The following HHAT variants were observed in gnomAD, a reference collection of about 807,000 sequenced individuals.
HHAT encodes the protein hedgehog acyltransferase.
In HHAT, 47 loss-of-function variants were observed where a neutral mutation model predicts 70.8. That is an observed-to-expected ratio of 0.66 (90% confidence interval 0.53 to 0.85). The LOEUF (loss-of-function observed/expected upper bound fraction) is 0.85, where lower values mean the gene tolerates loss of function less well. Ranked by LOEUF, HHAT falls within the 40% of genes least tolerant of loss-of-function variation. The pLI is 0.00. For missense variants in HHAT, 609 were observed against 604.8 expected (o/e 1.01, Z -0.07); for synonymous variants, 228 against 247.6 (o/e 0.92, Z 0.74).
At chr1:210,616,861 GC>G (rs1266562008) in intron 10 of HHAT, among the ~76,000 whole-genome samples, 2 of 152,200 alleles carry the variant, frequency 1.3e-5, no homozygotes, top group Non-Finnish European at 2.9e-5. Context: ...TATAAGTAAA[GC>G]TGCTCACACA....
At chr1:210,386,245 T>TTTTC (rs1572068244) in intron 3 of HHAT, among the ~76,000 whole-genome samples, 2 of 111,842 alleles carry the variant, frequency 1.8e-5, no homozygotes, top group South Asian at 3.3e-4. Flanking sequence ...TTTTTTTTTT[T>TTTTC]TTTTTTTTTT....
At chr1:210,468,156 G>A (rs1572655751) in intron 8 of HHAT, among the ~76,000 whole-genome samples, 1 of 152,054 alleles carries the variant, frequency 6.6e-6, no homozygotes, top group East Asian at 1.9e-4. Flanking sequence ...TTTTTCTGGG[G>A]TCTTATGGAC....
chr1:210,336,391 G>A (rs2085504459), intron 1 of HHAT, among the ~76,000 whole-genome samples: 1 of 147,902 alleles, frequency 6.8e-6, no homozygotes, highest in African/African-American at 2.5e-5. Context: ...TCCTCTCAAA[G>A]TGCTAGAATT....
chr1:210,396,328 TCACTCATG>T (rs1309847956), intron 4 of HHAT, among the ~76,000 whole-genome samples: 4 of 152,182 alleles, frequency 2.6e-5, no homozygotes, highest in African/African-American at 9.6e-5. Context: ...AAGCTTCAGG[TCACTCATG>T]CTTTGATACC....
chr1:210,343,873 G>T (rs558287942), intron 1 of HHAT, among the ~76,000 whole-genome samples: 1 of 152,302 alleles, frequency 6.6e-6, no homozygotes, highest in East Asian at 1.9e-4. Context: ...GCTTAGGTAG[G>T]CTCCTGATGA....
chr1:210,502,600 G>C (rs1253639320), intron 8 of HHAT, among the ~76,000 whole-genome samples: 6 of 152,078 alleles, frequency 3.9e-5, no homozygotes. Context: ...TATTTATCAG[G>C]CTTGTACTAA....
intron 2 of HHAT, among the ~76,000 whole-genome samples, chr1:210,358,808 C>A (rs1005665544): frequency 6.6e-6 from 1 of 152,174 alleles, no homozygotes; most frequent in Non-Finnish European, 1.5e-5. Flanking sequence ...TGCCCTCTTA[C>A]TACACACACC....
At chr1:210,356,921 A>AG (rs903582352) in intron 2 of HHAT, among the ~76,000 whole-genome samples, 58 of 152,344 alleles carry the variant, frequency 3.8e-4, no homozygotes, top group African/African-American at 1.3e-3. Flanking sequence ...TGGGGCCACC[A>AG]GGGGCCCTTC....
At chr1:210,544,166 G>C (rs1477787173) in intron 9 of HHAT, among the ~76,000 whole-genome samples, 2 of 152,158 alleles carry the variant, frequency 1.3e-5, no homozygotes, top group African/African-American at 4.8e-5. Flanking sequence ...ACCCACTGCT[G>C]GTCCTGAGGT....
chr1:210,653,354 G>A (rs1040134439), intron 11 of HHAT, among the ~76,000 whole-genome samples: 5 of 151,892 alleles, frequency 3.3e-5, no homozygotes, highest in African/African-American at 1.2e-4. Context: ...ACCAGCCTTG[G>A]CAAAAAATCA....
At chr1:210,662,279 A>G (rs1330081346) in intron 11 of HHAT, among the ~76,000 whole-genome samples, 1 of 152,190 alleles carries the variant, frequency 6.6e-6, no homozygotes, top group Non-Finnish European at 1.5e-5. Context: ...TGCCTATGGC[A>G]AGAATCCAGG....
At chr1:210,574,124 A>C (rs964377897) in intron 9 of HHAT, among the ~76,000 whole-genome samples, 40 of 152,244 alleles carry the variant, frequency 2.6e-4, no homozygotes, top group African/African-American at 9.4e-4. Context: ...AAAGAGCAGC[A>C]TATCAGCAAG....
chr1:210,525,990 C>T (rs2095239541), intron 9 of HHAT, among the ~76,000 whole-genome samples: 1 of 152,200 alleles, frequency 6.6e-6, no homozygotes, highest in Admixed American at 6.5e-5. Context: ...GCGGTTGCTG[C>T]ATCTGGTAGA....
At chr1:210,381,055 T>C (rs1233939750) in intron 3 of HHAT, among the ~76,000 whole-genome samples, 1 of 151,998 alleles carries the variant, frequency 6.6e-6, no homozygotes, top group East Asian at 1.9e-4. Flanking sequence ...ATGGAAGGAA[T>C]AAGGCTAAAT....
At chr1:210,646,988 A>G (rs1164768905) in intron 11 of HHAT, among the ~76,000 whole-genome samples, 1 of 152,204 alleles carries the variant, frequency 6.6e-6, no homozygotes, top group Non-Finnish European at 1.5e-5. Context: ...GTAATGGATG[A>G]TTTCTTCCCA....
intron 5 of HHAT, among the ~76,000 whole-genome samples, chr1:210,403,778 T>TA (rs2092195817): frequency 1.3e-5 from 2 of 152,218 alleles, no homozygotes; most frequent in African/African-American, 2.4e-5. Context: ...TTCATAATTT[T>TA]ACTCCCCGAT....
Position 210,494,850 on chromosome 1 carries a change from C to T in HHAT, c.1008-18303C>T, listed in dbSNP as rs116685867. Among the ~76,000 whole-genome samples, 1,398 of 151,990 alleles carry T rather than the reference C, an allele frequency of 9.2e-3. 13 individuals are homozygous for T. The highest frequency in any genetic ancestry group is 0.016 in the Non-Finnish European group (1,077 of 67,940). Reference sequence around the variant, plus strand: ...TCCAGGCATGAGCCACTGTGCCCGGCGTGAAATTGCTTTTTGACATCCGAG... The same window carrying T: ...TCCAGGCATGAGCCACTGTGCCCGGTGTGAAATTGCTTTTTGACATCCGAG... On this transcript the variant is annotated intron_variant, in intron 8 of 11. Coordinates refer to ENST00000261458, the MANE Select transcript of HHAT (RefSeq NM_018194.6).
chr1:210,581,925 C>T (rs1418632474), intron 9 of HHAT, among the ~76,000 whole-genome samples: 1 of 151,946 alleles, frequency 6.6e-6, no homozygotes, highest in Non-Finnish European at 1.5e-5. Context: ...AACATACACA[C>T]GCATACACAT....
At chr1:210,525,257 CT>C (rs1373638690) in intron 9 of HHAT, among the ~76,000 whole-genome samples, 1 of 152,086 alleles carries the variant, frequency 6.6e-6, no homozygotes, top group Non-Finnish European at 1.5e-5. Flanking sequence ...ACAAGGCTGG[CT>C]CATTCTCTGG....
Sources: gnomAD v4.1 joint callset for allele counts (sites outside exome capture counted in the v4.1 genomes callset) on GRCh38, gnomAD v4.1.1 for gene constraint, MANE v1.5 for transcripts, NCBI Gene and HGNC (gene_info 2026-07-23, HGNC 2026-07-21) for gene names.